Variants in PAK3 observed in about 807,000 individuals in gnomAD.
PAK3 encodes serine/threonine-protein kinase PAK 3.
Under a neutral mutation model 41.0 loss-of-function variants are expected in PAK3, and 4 were observed. The observed-to-expected ratio is 0.10, with a 90% CI of 0.05 to 0.22. PAK3 has a LOEUF of 0.22. PAK3 is among the 10% of genes least tolerant of loss of function. The probability of loss-of-function intolerance (pLI) is 1.00; values close to 1 mark genes in which losing one functional copy is unlikely to be tolerated. For missense variants in PAK3, 205 were observed against 409.9 expected, an observed-to-expected ratio of 0.50 and a Z score of 4.32; for synonymous variants, 146 against 139.6, an observed-to-expected ratio of 1.05 and a Z score of -0.32.
intron 1 of PAK3, among the ~76,000 whole-genome samples, chrX:111,070,656 C>A (rs769528767): frequency 1.5e-3 from 170 of 111,981 alleles, no homozygotes; most frequent in African/African-American, 5.2e-3. Flanking sequence ...CTGGAAGGGA[C>A]TTTGAGGCTA....
At chrX:111,024,720 G>T (rs1300462935) in intron 1 of PAK3, among the ~76,000 whole-genome samples, 4 of 110,875 alleles carry the variant, frequency 3.6e-5, no homozygotes, top group South Asian at 3.8e-4. Flanking sequence ...ATACTCCACT[G>T]ATGGCACTAG....
At chrX:111,069,688 C>T (rs2092727588) in intron 1 of PAK3, among the ~76,000 whole-genome samples, 1 of 109,749 alleles carries the variant, frequency 9.1e-6, no homozygotes, top group African/African-American at 3.3e-5. Context: ...CTTTCATGGT[C>T]TCTATCTCCT....
chrX:111,168,126 G>T (rs757169775), intron 10 of PAK3, among the ~76,000 whole-genome samples: 3 of 111,316 alleles, frequency 2.7e-5, no homozygotes, highest in South Asian at 7.5e-4. Flanking sequence ...ATGCTAAAAG[G>T]ATAATCTTTT....
intron 8 of PAK3, among the ~76,000 whole-genome samples, chrX:111,160,262 A>C (rs1312265669): frequency 9.0e-6 from 1 of 111,603 alleles, no homozygotes; most frequent in Non-Finnish European, 1.9e-5. Flanking sequence ...AATGTAAAAA[A>C]TAGGTGAAAT....
chrX:111,171,845 C>T lies in PAK3; in HGVS notation c.767-1173C>T, dbSNP rs147069874. Among the ~76,000 whole-genome samples, 988 of 111,898 alleles carry T rather than the reference C, an allele frequency of 8.8e-3. 3 individuals carry two copies. The highest frequency in any genetic ancestry group is 0.014 in the Non-Finnish European group (719 of 53,069). ...TATGTTAAAGACATTCAATTGCACA[C>T]TCTAGGTCACTGAACTTTATGGCAT... On this transcript the variant is annotated intron_variant, in intron 10 of 17. Transcript: ENST00000372007.
At chrX:111,044,825 A>G (rs934680855) in intron 1 of PAK3, among the ~76,000 whole-genome samples, 8 of 112,435 alleles carry the variant, frequency 7.1e-5, no homozygotes, top group African/African-American at 2.6e-4. Flanking sequence ...AGGTTAGTGG[A>G]ATAAAAACTC....
At position 111,161,098 on chromosome X, in the gene PAK3, C is replaced by T. The variant is rs1478514461; in HGVS notation, c.469-1817C>T. ...ATCCCCCCAACTGTGTAAAAGTGTT[C>T]CTATTTCTCCACATCCTCTCCAGCA... is the stretch of plus-strand genomic sequence containing the variant. On this transcript the variant is annotated intron_variant, in intron 8 of 17. Coordinates refer to ENST00000372007, the MANE Select transcript of PAK3 (RefSeq NM_002578.5). 8.1e-5 allele frequency among the ~76,000 whole-genome samples: 9 copies of T among 111,490 alleles called. No individual in the cohort carries two copies. The East Asian group carries it at 2.3e-3, about 28-fold the overall frequency.
chrX:110,973,059 G>A (rs1239504065), intron 1 of PAK3, among the ~76,000 whole-genome samples: 1 of 111,893 alleles, frequency 8.9e-6, no homozygotes, highest in African/African-American at 3.3e-5. Flanking sequence ...AAATATGGCA[G>A]TATGTGAAAA....
intron 1 of PAK3, among the ~76,000 whole-genome samples, chrX:111,086,571 C>T (rs1277774992): frequency 1.8e-5 from 2 of 111,362 alleles, no homozygotes; most frequent in East Asian, 5.7e-4. Context: ...ACACCCTTCC[C>T]ACCCCCTGCC....
At chrX:111,135,267 CAAA>C (rs200055100) in intron 5 of PAK3, among the ~76,000 whole-genome samples, 9 of 111,561 alleles carry the variant, frequency 8.1e-5, no homozygotes, top group South Asian at 3.8e-4. Context: ...AGTTAGGAAA[CAAA>C]AGAAGAGTTG....
chrX:110,959,822 C>T (rs1311227611), intron 1 of PAK3, among the ~76,000 whole-genome samples: 1 of 111,251 alleles, frequency 9.0e-6, no homozygotes, highest in Non-Finnish European at 1.9e-5. Flanking sequence ...TTAAGTTCAT[C>T]CTGAAAAAGA....
upstream of PAK3, among the ~76,000 whole-genome samples, chrX:111,091,883 C>A (rs1304234359): frequency 3.6e-5 from 4 of 110,281 alleles, no homozygotes; most frequent in African/African-American, 1.3e-4. Context: ...AGTGGGGACA[C>A]TTTTTTTTTA....
At chrX:111,206,246 C>T (rs181058133) in intron 16 of PAK3, among the ~76,000 whole-genome samples, 22 of 111,371 alleles carry the variant, frequency 2.0e-4, no homozygotes, top group African/African-American at 6.5e-4. Context: ...AGCTTCTTGC[C>T]TCTACCTTTT....
rs1318695075 is a variant in PAK3 at position 111,114,590 on chromosome X, CTA to C, written c.-27-8484_-27-8483del. On this transcript the variant is annotated intron_variant, in intron 4 of 17. Transcript: ENST00000372007. ...TCCTCTCTTTATGCAGCTGTGTGAC[CTA>C]TAGACCTTCATTATTAAGCTGTGCA... Among the ~76,000 whole-genome samples the C allele has an allele frequency of 6.3e-5, 7 of 111,322 alleles. No individual in the cohort carries two copies. In the East Asian group the frequency reaches 1.7e-3, roughly 27 times the overall value.
chrX:110,964,477 G>A (rs1229778412), intron 1 of PAK3, among the ~76,000 whole-genome samples: 1 of 112,090 alleles, frequency 8.9e-6, no homozygotes, highest in Non-Finnish European at 1.9e-5. Flanking sequence ...AGTAGCAAGA[G>A]ACTAGAGACC....
At chrX:111,027,993 A>G (rs1390889161) in intron 1 of PAK3, among the ~76,000 whole-genome samples, 4 of 106,667 alleles carry the variant, frequency 3.7e-5, no homozygotes, top group Admixed American at 2.1e-4. Flanking sequence ...TATAATATAT[A>G]TGTGTGTGTG....
At chrX:111,012,162 G>T (rs920142073) in intron 1 of PAK3, among the ~76,000 whole-genome samples, 2 of 111,723 alleles carry the variant, frequency 1.8e-5, no homozygotes, top group Admixed American at 9.5e-5. Flanking sequence ...GGGAAAGATT[G>T]CTGGGTCAAA....
At chrX:111,087,383 C>T (rs1163850089) in intron 1 of PAK3, among the ~76,000 whole-genome samples, 1 of 103,964 alleles carries the variant, frequency 9.6e-6, no homozygotes, top group Non-Finnish European at 2.0e-5. Context: ...ATCAAGTGAA[C>T]ATGAGAGAAC....
At chrX:111,172,135 A>C (rs934556044) in intron 10 of PAK3, among the ~76,000 whole-genome samples, 2 of 111,527 alleles carry the variant, frequency 1.8e-5, no homozygotes, top group Non-Finnish European at 3.8e-5. Context: ...AATAGTGTGG[A>C]TAAGTTCTTA....
Sources: gnomAD v4.1 joint callset for allele counts (sites outside exome capture counted in the v4.1 genomes callset) on GRCh38, gnomAD v4.1.1 for gene constraint, MANE v1.5 for transcripts, NCBI Gene and HGNC (gene_info 2026-07-23, HGNC 2026-07-21) for gene names.